The following COLEC11 variants were observed in gnomAD, a reference collection of about 807,000 sequenced individuals.
The protein encoded by COLEC11 is collectin subfamily member 11.
In COLEC11, 20 loss-of-function variants were observed where a neutral mutation model predicts 27.3. The ratio of observed to expected loss-of-function variants is 0.73; its 90% CI spans 0.51 to 1.06. The LOEUF (loss-of-function observed/expected upper bound fraction) is 1.06. Ranked by LOEUF, COLEC11 falls within the 50% of genes least tolerant of loss-of-function variation. The pLI, the probability that COLEC11 is intolerant of heterozygous loss-of-function variation, is 0.00. For missense variants in COLEC11, 310 were observed against 383.0 expected (o/e 0.81, Z 1.59); for synonymous variants, 163 against 154.7 (o/e 1.05, Z -0.40).
intron 2 of COLEC11, chr2:3,605,080 C>T (rs1284305650): frequency 2.1e-6 from 1 of 471,074 alleles, no homozygotes; most frequent in Admixed American, 2.3e-5. Flanking sequence ...TCCAGAGCAG[C>T]ATCTTCAAGT....
At chr2:3,643,114 A>G (rs1018285876) in intron 5 of COLEC11, among the ~76,000 whole-genome samples, 1 of 152,110 alleles carries the variant, frequency 6.6e-6, no homozygotes, top group African/African-American at 2.4e-5. Flanking sequence ...CAGATGTTCT[A>G]GCTTTTCTCA....
chr2:3,609,304 G>C (rs954478023), intron 2 of COLEC11, among the ~76,000 whole-genome samples: 1 of 74,312 alleles, frequency 1.3e-5, no homozygotes, highest in African/African-American at 3.8e-5. Flanking sequence ...GTGCTTTTCA[G>C]GGTCTCTTTC....
intron 3 of COLEC11, among the ~76,000 whole-genome samples, chr2:3,621,344 C>T (rs1001980826): frequency 8.5e-5 from 13 of 152,194 alleles, no homozygotes; most frequent in African/African-American, 2.9e-4. Flanking sequence ...AATATAGCTA[C>T]GCCTATTCTG....
chr2:3,633,863 G>A lies in COLEC11; in HGVS notation c.203-3670G>A, dbSNP rs543898118. 5.3e-5 allele frequency among the ~76,000 whole-genome samples: 8 copies of A among 152,292 alleles called. No individual in the cohort carries two copies. In the East Asian group the frequency reaches 1.5e-3, roughly 29 times the overall value. ...TGCGGTGGAGAGCTGGGTACAGGAG[G>A]CCCGAGGAAGACACATGTTTCCTGC... is the stretch of plus-strand genomic sequence containing the variant. On this transcript the variant is annotated intron_variant, in intron 3 of 6. Transcript: ENST00000349077.
Position 3,644,142 on chromosome 2 carries a change from G to C in COLEC11, c.*24G>C, listed in dbSNP as rs753234170. On this transcript the variant is annotated 3_prime_UTR_variant, in exon 7 of 7. Transcript: ENST00000349077. The stretch of plus-strand genomic sequence containing the variant: ...GAGCCTCAGGCTGGGGCTGCCCATT[G>C]GGGGCCCCACATGTCCCTGCAGGGT... 20 of 1,603,546 alleles carry C rather than the reference G, an allele frequency of 1.2e-5. No homozygotes were observed. The highest frequency in any genetic ancestry group is 1.7e-5 in the Non-Finnish European group (20 of 1,179,984).
intron 3 of COLEC11, among the ~76,000 whole-genome samples, chr2:3,631,759 G>A (rs917537123): frequency 1.3e-5 from 2 of 151,430 alleles, no homozygotes; most frequent in Non-Finnish European, 2.9e-5. Flanking sequence ...GGCTCTGCTC[G>A]GAGGGCTCTG....
rs552099851 is a variant in COLEC11, at chr2:3,599,405, G to A, written c.-27+4237G>A. ...ATTGACTGACGCAGAGGCACTGTGCGGGGGACAGGCATTCTCAGATGAGGA... is the reference window on the plus strand; with the variant it reads ...ATTGACTGACGCAGAGGCACTGTGCAGGGGACAGGCATTCTCAGATGAGGA... On this transcript the variant is annotated intron_variant, in intron 1 of 6. Transcript: ENST00000349077. Among the ~76,000 whole-genome samples the A allele has an allele frequency of 3.9e-4, 60 of 152,308 alleles. No individual in the cohort carries two copies. The South Asian group carries it at 6.2e-3, about 16-fold the overall frequency.
chr2:3,629,954 T>C (rs1452701852), intron 3 of COLEC11, among the ~76,000 whole-genome samples: 3 of 152,250 alleles, frequency 2.0e-5, no homozygotes, highest in African/African-American at 7.2e-5. Context: ...GATGTGCAGT[T>C]ACATGCTATG....
rs1662324093 is a variant in COLEC11, at chr2:3,602,747, G to A, written c.-26-1568G>A. ...TGTCTCCTGTCCTCTGTGCCCACCA[G>A]GCCAGCCCACCTCTCCCCGCACTGT... On this transcript the variant is annotated intron_variant, in intron 1 of 6. Transcript: ENST00000349077. This position sits in a 1 kb window ranked among gnomAD's most constrained non-coding sequence, Gnocchi z 6.2. Among the ~76,000 whole-genome samples, 3 of 152,160 alleles carry A rather than the reference G, an allele frequency of 2.0e-5. No individual in the cohort carries two copies. Among genetic ancestry groups the A allele is most frequent in the Admixed American group, 2.0e-4 (3 of 15,276 alleles).
chr2:3,603,704 G>A, intron 1 of COLEC11: 2 of 1,547,996 alleles, frequency 1.3e-6, no homozygotes, highest in Non-Finnish European at 1.7e-6. Flanking sequence ...AGATGTCCAT[G>A]ACACCCCTCT....
chr2:3,633,351 TGA>T (rs1284794904), intron 3 of COLEC11, among the ~76,000 whole-genome samples: 1 of 152,248 alleles, frequency 6.6e-6, no homozygotes, highest in Non-Finnish European at 1.5e-5. Flanking sequence ...AGTTAAAACC[TGA>T]GAGTGAGTTG....
At chr2:3,605,253 C>A (rs1421502638) in intron 2 of COLEC11, among the ~76,000 whole-genome samples, 1 of 151,554 alleles carries the variant, frequency 6.6e-6, no homozygotes, top group Non-Finnish European at 1.5e-5. Context: ...GCTGCACCGG[C>A]CGCAGCAGAG....
At chr2:3,634,079 A>G (rs892814298) in intron 3 of COLEC11, among the ~76,000 whole-genome samples, 1 of 152,176 alleles carries the variant, frequency 6.6e-6, no homozygotes, top group South Asian at 2.1e-4. Context: ...ACTGTCTCCA[A>G]ATACCAGCAC....
intron 2 of COLEC11, among the ~76,000 whole-genome samples, chr2:3,610,954 C>T (rs1424373559): frequency 1.3e-5 from 2 of 152,114 alleles, no homozygotes; most frequent in Admixed American, 6.5e-5. Flanking sequence ...AGCATTTTCT[C>T]TTTATTCTTG....
At chr2:3,639,308 G>A (rs1222806003) in intron 4 of COLEC11, among the ~76,000 whole-genome samples, 2 of 152,224 alleles carry the variant, frequency 1.3e-5, no homozygotes, top group African/African-American at 4.8e-5. Context: ...CATGCGGTGT[G>A]TGCTCTGGGC....
In COLEC11 at chr2:3,613,366, C is replaced by G. The variant is rs748999748; in HGVS notation, c.186C>G (p.Gly62=). Residue 62 remains glycine (G), a synonymous_variant, in exon 3 of 7, where the codon GGC becomes GGG. Coordinates refer to ENST00000349077, the MANE Select transcript of COLEC11 (RefSeq NM_024027.5). Reference sequence around the variant, plus strand: ...CCCCCGGACGGCCTGGAAGAGTCGGCCCCACGGGAGAAAAAGGTACCTGCA... The same window carrying G: ...CCCCCGGACGGCCTGGAAGAGTCGGGCCCACGGGAGAAAAAGGTACCTGCA... ...KGAPGRPGRV[G]PTGEKGDMGD... is the part of the protein sequence containing the mutation. 6.2e-7 allele frequency: 1 copy of G among 1,602,914 alleles called. No homozygotes were observed. Among genetic ancestry groups the G allele is most frequent in the East Asian group, 2.2e-5 (1 of 44,480 alleles).
chr2:3,624,177 G>C (rs1252831250), intron 3 of COLEC11, among the ~76,000 whole-genome samples: 1 of 152,132 alleles, frequency 6.6e-6, no homozygotes, highest in African/African-American at 2.4e-5. Context: ...TCAAGTTCTT[G>C]TGCCTTCTCC....
intron 3 of COLEC11, among the ~76,000 whole-genome samples, chr2:3,622,944 T>C (rs921716184): frequency 9.9e-5 from 15 of 152,248 alleles, no homozygotes; most frequent in African/African-American, 3.6e-4. Context: ...TTGTTTCAGC[T>C]TGAAGAACTT....
intron 3 of COLEC11, among the ~76,000 whole-genome samples, chr2:3,625,793 C>T (rs1026667511): frequency 3.3e-5 from 5 of 151,832 alleles, no homozygotes; most frequent in Non-Finnish European, 7.4e-5. Context: ...CCACCACGCC[C>T]GGCTAATTTT....
Sources: allele counts gnomAD v4.1 joint callset (sites outside exome capture counted in the v4.1 genomes callset), GRCh38; gene constraint gnomAD v4.1.1; non-coding constraint Gnocchi (gnomAD v3.1); transcripts MANE v1.5; gene names NCBI Gene and HGNC (gene_info 2026-07-23, HGNC 2026-07-21).